The following CPNE4 variants were observed in gnomAD, a reference collection of about 807,000 sequenced individuals.
The protein encoded by CPNE4 is copine 4.
In CPNE4, 25 loss-of-function variants were observed where a neutral mutation model predicts 67.9. That is an observed-to-expected ratio of 0.37 (90% confidence interval 0.27 to 0.51). The LOEUF is 0.51. CPNE4 is among the 20% of genes least tolerant of loss of function. CPNE4 has a pLI of 0.93. For missense variants in CPNE4, 464 were observed against 690.8 expected (o/e 0.67, Z 3.68); for synonymous variants, 242 against 244.9 (o/e 0.99, Z 0.11).
At chr3:131,591,811 A>G (rs560822734) in intron 7 of CPNE4, among the ~76,000 whole-genome samples, 1 of 152,320 alleles carries the variant, frequency 6.6e-6, no homozygotes, top group East Asian at 1.9e-4. Context: ...GCTCTGATGC[A>G]GCTGACAGAG....
At chr3:131,839,878 G>A (rs528141065) in intron 2 of CPNE4, among the ~76,000 whole-genome samples, 11 of 152,222 alleles carry the variant, frequency 7.2e-5, no homozygotes, top group South Asian at 4.1e-4. Flanking sequence ...GAGGGGTTAC[G>A]TTATGCCATT....
rs1273525784 is a variant in CPNE4 at position 131,645,012 on chromosome 3, G to C, written c.681+24663C>G. On this transcript the variant is annotated intron_variant, in intron 7 of 15. Coordinates refer to ENST00000429747, the MANE Select transcript of CPNE4 (RefSeq NM_130808.3). ...GATGAACTGGAACTAGGAATTTACTGCCAACAGAGATGCTGGAGGTTCCAA... is the reference window on the plus strand; with the variant it reads ...GATGAACTGGAACTAGGAATTTACTCCCAACAGAGATGCTGGAGGTTCCAA... 3.3e-5 allele frequency among the ~76,000 whole-genome samples: 5 copies of C among 152,314 alleles called. No individual in the cohort carries two copies. The East Asian group carries it at 7.7e-4, about 24-fold the overall frequency.
intron 1 of CPNE4, among the ~76,000 whole-genome samples, chr3:131,998,833 ATAGTC>A (rs1326859591): frequency 6.6e-6 from 1 of 152,112 alleles, no homozygotes; most frequent in Non-Finnish European, 1.5e-5. Flanking sequence ...TCACCACAGA[ATAGTC>A]TAGGCTGTTT....
At chr3:131,931,952 A>G (rs1314394530) in intron 1 of CPNE4, among the ~76,000 whole-genome samples, 2 of 152,222 alleles carry the variant, frequency 1.3e-5, no homozygotes, top group African/African-American at 4.8e-5. Context: ...ATTGACCTTC[A>G]AAACACTTCT....
intron 1 of CPNE4, chr3:132,017,643 T>TAC (rs2073913830): frequency 1.3e-5 from 2 of 152,270 alleles, no homozygotes; most frequent in South Asian, 4.1e-4. Context: ...CTCCTGAAAG[T>TAC]ACAGCACCAC....
intron 2 of CPNE4, among the ~76,000 whole-genome samples, chr3:131,882,908 G>C (rs2087735612): frequency 1.3e-5 from 2 of 151,938 alleles, no homozygotes; most frequent in South Asian, 4.2e-4. Context: ...TAATAGAGAT[G>C]GGGTTTCACC....
chr3:131,991,686 A>T lies in CPNE4; in HGVS notation c.-2+42881T>A, dbSNP rs539552353. ...ACTGGAGAAATTTGAGTAAGTAATCACCAAGAAAATGGGGAAAATGTCTCC... is the reference window on the plus strand; with the variant it reads ...ACTGGAGAAATTTGAGTAAGTAATCTCCAAGAAAATGGGGAAAATGTCTCC... On this transcript the variant is annotated intron_variant, in intron 1 of 15. Transcript: ENST00000429747. Among the ~76,000 whole-genome samples the T allele has an allele frequency of 1.5e-4, 20 of 136,122 alleles. 4 individuals carry two copies. The highest frequency in any genetic ancestry group is 1.7e-4 in the African/African-American group (7 of 40,836). 89.3% of individuals were successfully genotyped at this position (136,122 alleles called of 152,430 possible).
chr3:131,869,453 T>C (rs2087102512), intron 2 of CPNE4, among the ~76,000 whole-genome samples: 3 of 152,334 alleles, frequency 2.0e-5, no homozygotes, highest in Non-Finnish European at 4.4e-5. Context: ...ATGGCACCTA[T>C]GATGCTCAAA....
intron 2 of CPNE4, among the ~76,000 whole-genome samples, chr3:131,810,827 T>A (rs999668866): frequency 2.0e-5 from 3 of 152,084 alleles, no homozygotes; most frequent in African/African-American, 7.2e-5. Flanking sequence ...ATGTGGTGTA[T>A]ACATACAATA....
intron 2 of CPNE4, among the ~76,000 whole-genome samples, chr3:131,903,166 C>T (rs1003600872): frequency 9.2e-5 from 14 of 152,026 alleles, no homozygotes; most frequent in African/African-American, 1.9e-4. Flanking sequence ...GGACACCTTC[C>T]GGCTGCTTAT....
intron 1 of CPNE4, among the ~76,000 whole-genome samples, chr3:131,939,296 C>T (rs1870715): frequency 0.34 from 50,829 of 151,620 alleles, 8,794 homozygotes; most frequent in East Asian, 0.44. Context: ...AGAATAAGGA[C>T]GACAGTTTGT....
Position 131,725,208 on chromosome 3 carries a change from C to A in CPNE4, c.181-1583G>T, listed in dbSNP as rs557313719. On this transcript the variant is annotated intron_variant, in intron 2 of 15. Coordinates refer to ENST00000429747, the MANE Select transcript of CPNE4 (RefSeq NM_130808.3). Reference sequence around the variant, plus strand: ...GTCCATGTTGCCTAGCAAAGAAAATCTGATATTTGTTCTAGCCACCCCTAA... The same window carrying A: ...GTCCATGTTGCCTAGCAAAGAAAATATGATATTTGTTCTAGCCACCCCTAA... 4.6e-5 allele frequency among the ~76,000 whole-genome samples: 7 copies of A among 152,300 alleles called. No homozygotes were observed. In the South Asian group the frequency reaches 1.5e-3, roughly 32 times the overall value.
At chr3:131,867,161 C>T (rs1329623868) in intron 2 of CPNE4, among the ~76,000 whole-genome samples, 1 of 152,156 alleles carries the variant, frequency 6.6e-6, no homozygotes, top group Non-Finnish European at 1.5e-5. Context: ...TTAAAGGTTA[C>T]ATTTTGAAGA....
At chr3:131,786,059 C>T (rs1178676639) in intron 2 of CPNE4, among the ~76,000 whole-genome samples, 1 of 152,058 alleles carries the variant, frequency 6.6e-6, no homozygotes, top group Non-Finnish European at 1.5e-5. Context: ...AGCCTCTTCT[C>T]TTGTTTTACA....
chr3:131,960,246 T>G (rs1220830703), intron 1 of CPNE4, among the ~76,000 whole-genome samples: 1 of 152,194 alleles, frequency 6.6e-6, no homozygotes, highest in Non-Finnish European at 1.5e-5. Context: ...ACAATGTTTA[T>G]TTTTATGATA....
At chr3:131,823,194 CTAATATTTA>C (rs2085028853) in intron 2 of CPNE4, among the ~76,000 whole-genome samples, 1 of 152,156 alleles carries the variant, frequency 6.6e-6, no homozygotes, top group Non-Finnish European at 1.5e-5. Flanking sequence ...AGGAAGGAAA[CTAATATTTA>C]TTGAAAGTAT....
chr3:131,753,911 A>G (rs1170369103), intron 2 of CPNE4, among the ~76,000 whole-genome samples: 1 of 152,156 alleles, frequency 6.6e-6, no homozygotes, highest in Non-Finnish European at 1.5e-5. Flanking sequence ...CCTCCAACCC[A>G]GCAATTCTGT....
chr3:131,724,046 G>T (rs984110478), intron 2 of CPNE4, among the ~76,000 whole-genome samples: 2 of 152,112 alleles, frequency 1.3e-5, no homozygotes, highest in Non-Finnish European at 2.9e-5. Context: ...ATTCAACCTT[G>T]TCCTGCCTAA....
chr3:131,753,032 A>T (rs1190668721), intron 2 of CPNE4, among the ~76,000 whole-genome samples: 1 of 151,508 alleles, frequency 6.6e-6, no homozygotes, highest in East Asian at 1.9e-4. Flanking sequence ...TGTATATAAA[A>T]TATAAAAGCT....
Sources: allele counts gnomAD v4.1 joint callset (sites outside exome capture counted in the v4.1 genomes callset), GRCh38; gene constraint gnomAD v4.1.1; transcripts MANE v1.5; gene names NCBI Gene and HGNC (gene_info 2026-07-23, HGNC 2026-07-21).